Variants in MAPK8IP3 observed in about 807,000 individuals in gnomAD.
MAPK8IP3 encodes the protein C-Jun-amino-terminal kinase-interacting protein 3.
In MAPK8IP3, 49 loss-of-function variants were observed where a neutral mutation model predicts 157.8. The ratio of observed to expected loss-of-function variants is 0.31; its 90% CI spans 0.25 to 0.39. The LOEUF is 0.39. Ranked by LOEUF, MAPK8IP3 falls within the 10% of genes least tolerant of loss-of-function variation. The pLI, the probability that MAPK8IP3 is intolerant of heterozygous loss-of-function variation, is 1.00. For synonymous variants in MAPK8IP3, 897 were observed against 777.7 expected (o/e 1.15, Z -2.55); for missense variants, 1,478 against 1,889.4 (o/e 0.78, Z 4.04).
At chr16:1,723,777 A>C (rs2142330452) in intron 1 of MAPK8IP3, among the ~76,000 whole-genome samples, 1 of 152,276 alleles carries the variant, frequency 6.6e-6, no homozygotes, top group Non-Finnish European at 1.5e-5. Context: ...TATGGCATCG[A>C]TGCCCGGCCA....
chr16:1,707,163 C>T (rs2037456927), intron 1 of MAPK8IP3: 1 of 155,208 alleles, frequency 6.4e-6, no homozygotes, highest in South Asian at 1.9e-4. Context: ...CTAAACCCAT[C>T]TAGAAAAGGA....
At position 1,751,221 on chromosome 16, in the gene MAPK8IP3, C is replaced by T. The variant is rs937570987; in HGVS notation, c.1216+2501C>T. On this transcript the variant is annotated intron_variant, in intron 8 of 31. Coordinates refer to ENST00000610761, the MANE Select transcript of MAPK8IP3 (RefSeq NM_001318852.2). This position sits in a 1 kb window ranked among gnomAD's most constrained non-coding sequence, Gnocchi z 5.0. The stretch of plus-strand genomic sequence containing the variant: ...CCGTAATCCCAGCACTTTGGGAGGC[C>T]GAGGCGGGTGGATTGCTTGAAGTCA... 1.1e-4 allele frequency among the ~76,000 whole-genome samples: 16 copies of T among 151,976 alleles called. No individual in the cohort carries two copies. Among genetic ancestry groups the T allele is most frequent in the Admixed American group, 2.6e-4 (4 of 15,270 alleles).
intron 19 of MAPK8IP3, 102 bp from the exon 20 acceptor site, chr16:1,764,911 T>C (rs1350770287): frequency 8.3e-7 from 1 of 1,209,312 alleles, no homozygotes; most frequent in Non-Finnish European, 1.2e-6. Context: ...CAAGCTGTAG[T>C]CAAGGCTGGA....
At chr16:1,745,239 C>T (rs1352328036) in intron 5 of MAPK8IP3, 2 of 947,892 alleles carry the variant, frequency 2.1e-6, no homozygotes, top group Non-Finnish European at 2.5e-6. Flanking sequence ...GGGGACCCAG[C>T]GTGGAGGAAG....
chr16:1,736,041 T>C (rs2039744732), intron 4 of MAPK8IP3, among the ~76,000 whole-genome samples: 1 of 129,916 alleles, frequency 7.7e-6, no homozygotes, highest in African/African-American at 3.1e-5. Flanking sequence ...TGAGCATCCG[T>C]GTGAGCGTGT....
rs2076430 is a variant in MAPK8IP3, at chr16:1,768,151, C to T, written c.3562+44C>T. 1,273,298 of 1,611,768 alleles carry T rather than the reference C, an allele frequency of 0.79. 504,640 individuals are homozygous for T. The highest frequency in any genetic ancestry group is 0.88 in the Admixed American group (52,798 of 59,982). On this transcript the variant is annotated intron_variant, in intron 29 of 31. Coordinates refer to ENST00000610761, the MANE Select transcript of MAPK8IP3 (RefSeq NM_001318852.2). ...TGTCCCCTCACGGGAGCCTCTCCCA[C>T]TCTCCACCTGTATGCGGGCTCAGCG...
rs2042253412 is a variant in MAPK8IP3, at chr16:1,766,254, C to T, written c.2664C>T (p.Asn888=). The T allele has an allele frequency of 1.2e-6, 2 of 1,611,936 alleles. No homozygotes were observed. The highest frequency in any genetic ancestry group is 1.1e-5 in the South Asian group (1 of 91,074). Residue 888 remains asparagine, a synonymous_variant, in exon 22 of 32, where the codon AAC becomes AAT. Coordinates refer to ENST00000610761, the MANE Select transcript of MAPK8IP3 (RefSeq NM_001318852.2). Reference sequence around the variant, plus strand: ...CCACCATCGCCAACGGGAAGGTCAACCCGTCCCAGTCCACAGAGGAGGCCA... The same window carrying T: ...CCACCATCGCCAACGGGAAGGTCAATCCGTCCCAGTCCACAGAGGAGGCCA... ...EVATIANGKV[N]PSQSTEEATE...
intron 4 of MAPK8IP3, among the ~76,000 whole-genome samples, chr16:1,731,443 C>T (rs865786258): frequency 2.0e-5 from 3 of 152,230 alleles, no homozygotes; most frequent in African/African-American, 4.8e-5. Flanking sequence ...TGGGACAAGG[C>T]GATGCTCTGC....
chr16:1,706,201 G>T lies in MAPK8IP3; in HGVS notation c.-139G>T. Reference sequence around the variant, plus strand: ...GTGAGTGAGTGACGGGCGCAGCCTCGGCAGCGGCGGCGGCGGAGCCCTGAG... The same window carrying T: ...GTGAGTGAGTGACGGGCGCAGCCTCTGCAGCGGCGGCGGCGGAGCCCTGAG... On this transcript the variant is annotated 5_prime_UTR_variant, in exon 1 of 32. Coordinates refer to ENST00000610761, the MANE Select transcript of MAPK8IP3 (RefSeq NM_001318852.2). This position sits in a 1 kb window ranked among gnomAD's most constrained non-coding sequence, Gnocchi z 5.1. 4.7e-6 allele frequency: 3 copies of T among 644,692 alleles called. No homozygotes were observed. The highest frequency in any genetic ancestry group is 1.2e-4 in the South Asian group (2 of 16,728). The allele number at this position is 644,692 out of a possible 1,614,324, so 39.9% of individuals were successfully genotyped here. A position where few individuals can be genotyped will look rare whatever the true frequency, so the allele number is the denominator to read the frequency against.
chr16:1,750,401 C>A (rs1479043134), intron 8 of MAPK8IP3, among the ~76,000 whole-genome samples: 1 of 151,892 alleles, frequency 6.6e-6, no homozygotes. Context: ...TTAGTGCAGA[C>A]GGGGTTTCAC....
rs779658359 is a variant in MAPK8IP3 at position 1,759,968 on chromosome 16, A to G, written c.1257A>G (p.Lys419=). ...SVRDDFFGMG[K]EVGNLLLENS... Reference sequence around the variant, plus strand: ...CACCTTCTGTTTCAGGAATGGGCAAAGAAGTGGGGAATCTGCTACTGGAAA... The same window carrying G: ...CACCTTCTGTTTCAGGAATGGGCAAGGAAGTGGGGAATCTGCTACTGGAAA... The change falls in exon 11 of 32, where the codon AAA becomes AAG. Residue 419 remains lysine, a synonymous_variant. Coordinates refer to ENST00000610761, the MANE Select transcript of MAPK8IP3 (RefSeq NM_001318852.2). The G allele has an allele frequency of 1.4e-5, 22 of 1,614,078 alleles. No individual in the cohort carries two copies. The highest frequency in any genetic ancestry group is 1.5e-5 in the Non-Finnish European group (18 of 1,180,020).
intron 1 of MAPK8IP3, among the ~76,000 whole-genome samples, chr16:1,721,313 A>C (rs1162019326): frequency 6.6e-6 from 1 of 152,058 alleles, no homozygotes; most frequent in African/African-American, 2.4e-5. Flanking sequence ...ATCTCAAAAA[A>C]AAAAAAAAAA....
intron 1 of MAPK8IP3, among the ~76,000 whole-genome samples, chr16:1,708,768 A>G (rs1275235199): frequency 1.3e-5 from 2 of 152,084 alleles, no homozygotes; most frequent in African/African-American, 4.8e-5. Flanking sequence ...CTTGGCCAGC[A>G]TGGAGGCTAT....
At chr16:1,736,508 G>A (rs1469142765) in intron 4 of MAPK8IP3, among the ~76,000 whole-genome samples, 3 of 61,364 alleles carry the variant, frequency 4.9e-5, no homozygotes, top group Non-Finnish European at 8.7e-5. Flanking sequence ...GTGAGCGTGT[G>A]ACCGTCCGTG....
rs1343753566 is a variant in MAPK8IP3, at chr16:1,741,991, A to G, written c.603-1341A>G. On this transcript the variant is annotated intron_variant, in intron 4 of 31. Transcript: ENST00000610761. The surrounding 1 kb of genome is among the most constrained non-coding windows in gnomAD (Gnocchi z 6.9). ...GCTGCGTTCCCCTGTCGCCGTCTGC[A>G]TCCTCCAGGCATGGCCAGAGCAGGT... is the stretch of plus-strand genomic sequence containing the variant. Among the ~76,000 whole-genome samples, 1 of 152,080 alleles carries G rather than the reference A, an allele frequency of 6.6e-6. No individual in the cohort carries two copies.
chr16:1,738,795 G>A (rs541240454), intron 4 of MAPK8IP3, among the ~76,000 whole-genome samples: 116 of 135,796 alleles, frequency 8.5e-4, no homozygotes, highest in Non-Finnish European at 1.4e-3. Flanking sequence ...GTCCGTGTGA[G>A]TGTGACCACC....
At chr16:1,765,931 A>G (rs1475012765) in intron 20 of MAPK8IP3, 29 bp from the exon 21 acceptor site, 1 of 1,589,558 alleles carries the variant, frequency 6.3e-7, no homozygotes, top group South Asian at 1.1e-5. Context: ...GTTCCCCCGC[A>G]CAGGCTGACG....
At chr16:1,749,155 C>T (rs1405314020) in intron 8 of MAPK8IP3, among the ~76,000 whole-genome samples, 1 of 152,192 alleles carries the variant, frequency 6.6e-6, no homozygotes, top group Non-Finnish European at 1.5e-5. Flanking sequence ...ATGCAGAACT[C>T]GTGGGTATTG....
At position 1,746,999 on chromosome 16, in the gene MAPK8IP3, G is replaced by A. The variant is rs764132854; in HGVS notation, c.748-30G>A. 50 of 1,607,660 alleles carry A rather than the reference G, an allele frequency of 3.1e-5. No individual in the cohort carries two copies. In the Middle Eastern group the frequency reaches 5.0e-4, roughly 16 times the overall value. On this transcript the variant is annotated intron_variant, in intron 5 of 31. Coordinates refer to ENST00000610761, the MANE Select transcript of MAPK8IP3 (RefSeq NM_001318852.2). ...GCAGGCCAGGGACCTGCAGTGACTC[G>A]CTCTCCCTCCTCCCTGTGTTTGGCC...
Sources: allele counts gnomAD v4.1 joint callset (sites outside exome capture counted in the v4.1 genomes callset), GRCh38; gene constraint gnomAD v4.1.1; non-coding constraint Gnocchi (gnomAD v3.1); transcripts MANE v1.5; gene names NCBI Gene and HGNC (gene_info 2026-07-23, HGNC 2026-07-21).